The following TMEM232 variants were observed in gnomAD, a reference collection of about 807,000 sequenced individuals.
TMEM232 encodes the protein transmembrane protein 232.
Under a neutral mutation model 78.8 loss-of-function variants are expected in TMEM232, and 80 were observed. The ratio of observed to expected loss-of-function variants is 1.01; its 90% CI spans 0.85 to 1.22. The LOEUF (loss-of-function observed/expected upper bound fraction) is 1.22. Among genes scored for constraint, TMEM232 ranks in the 50% most tolerant of loss-of-function variants. The pLI is 0.00. For missense variants in TMEM232, 881 were observed against 742.2 expected (o/e 1.19, Z -2.17); for synonymous variants, 297 against 254.3 (o/e 1.17, Z -1.60).
intron 12 of TMEM232, among the ~76,000 whole-genome samples, chr5:110,457,742 G>C (rs1172873340): frequency 6.6e-6 from 1 of 152,026 alleles, no homozygotes; most frequent in Non-Finnish European, 1.5e-5. Flanking sequence ...CTAAGAGAAG[G>C]AAGTCACCTA....
intron 8 of TMEM232, among the ~76,000 whole-genome samples, chr5:110,616,036 A>C (rs953003248): frequency 2.6e-5 from 4 of 152,072 alleles, no homozygotes; most frequent in Non-Finnish European, 5.9e-5. Flanking sequence ...TCCTATCAAA[A>C]TTTTAATGTT....
intron 12 of TMEM232, among the ~76,000 whole-genome samples, chr5:110,465,507 C>T (rs1336419728): frequency 2.6e-5 from 4 of 152,086 alleles, no homozygotes; most frequent in African/African-American, 9.7e-5. Context: ...ATTTTCTTTT[C>T]TTCTTTGTGT....
intron 1 of TMEM232, among the ~76,000 whole-genome samples, chr5:110,674,703 G>T (rs1187173454): frequency 6.6e-6 from 1 of 152,194 alleles, no homozygotes; most frequent in Non-Finnish European, 1.5e-5. Flanking sequence ...AAGAGTCACA[G>T]ACTACACATC....
At chr5:110,530,572 G>A (rs1300631072) in intron 11 of TMEM232, among the ~76,000 whole-genome samples, 2 of 152,166 alleles carry the variant, frequency 1.3e-5, no homozygotes, top group Non-Finnish European at 2.9e-5. Context: ...TCTACCATTT[G>A]TAACAACATG....
At chr5:110,544,981 C>T (rs543242843) in intron 11 of TMEM232, among the ~76,000 whole-genome samples, 5 of 151,728 alleles carry the variant, frequency 3.3e-5, no homozygotes, top group South Asian at 2.1e-4. Context: ...TTACTAGTTA[C>T]GTGATCTTCC....
chr5:110,477,018 G>T (rs2149387183), intron 12 of TMEM232, among the ~76,000 whole-genome samples: 1 of 151,976 alleles, frequency 6.6e-6, no homozygotes, highest in Middle Eastern at 3.4e-3. Flanking sequence ...CTCCTTTTGG[G>T]AATAAATTAA....
At chr5:110,578,814 T>C (rs946299707) in intron 10 of TMEM232, among the ~76,000 whole-genome samples, 2 of 151,678 alleles carry the variant, frequency 1.3e-5, no homozygotes, top group Non-Finnish European at 2.9e-5. Flanking sequence ...TTATGAAAAA[T>C]CCAGAAACTA....
At chr5:110,539,632 T>TTTC (rs1772845506) in intron 11 of TMEM232, among the ~76,000 whole-genome samples, 1 of 152,204 alleles carries the variant, frequency 6.6e-6, no homozygotes, top group African/African-American at 2.4e-5. Context: ...ACAGGCCCCC[T>TTTC]TTCTATGCTT....
chr5:110,389,702 A>C (rs1755111707), intron 4 of TMEM232, among the ~76,000 whole-genome samples: 1 of 152,194 alleles, frequency 6.6e-6, no homozygotes, highest in Admixed American at 6.5e-5. Context: ...TAAATTGAGC[A>C]AGATCAAGCT....
chr5:110,720,856 TAA>T (rs1797518230), intron 1 of TMEM232: 1 of 152,132 alleles, frequency 6.6e-6, no homozygotes, highest in Non-Finnish European at 1.5e-5. Flanking sequence ...CTGTCATTTA[TAA>T]AAGTCTTTCA....
chr5:110,522,809 C>G (rs1769745793), intron 12 of TMEM232, among the ~76,000 whole-genome samples: 1 of 152,080 alleles, frequency 6.6e-6, no homozygotes, highest in Non-Finnish European at 1.5e-5. Context: ...CTTCTGGATT[C>G]TGTTTGTTAC....
intron 12 of TMEM232, among the ~76,000 whole-genome samples, chr5:110,515,945 C>T (rs1242188173): frequency 8.5e-5 from 13 of 152,118 alleles, no homozygotes. Context: ...TATTCTTTAA[C>T]ATAAAAATTT....
At chr5:110,498,733 G>T (rs1429568246) in intron 12 of TMEM232, among the ~76,000 whole-genome samples, 2 of 152,154 alleles carry the variant, frequency 1.3e-5, no homozygotes, top group African/African-American at 4.8e-5. Flanking sequence ...AGGTGTCAGA[G>T]AAGTTTGTGT....
chr5:110,690,777 T>C (rs927060734), intron 1 of TMEM232, among the ~76,000 whole-genome samples: 2 of 152,174 alleles, frequency 1.3e-5, no homozygotes, highest in Non-Finnish European at 2.9e-5. Flanking sequence ...ATATACACCA[T>C]GGAATACTAT....
intron 12 of TMEM232, among the ~76,000 whole-genome samples, chr5:110,444,605 A>C (rs1355921666): frequency 2.0e-5 from 3 of 152,176 alleles, no homozygotes; most frequent in Non-Finnish European, 2.9e-5. Context: ...TGAACAGTGT[A>C]GGCTTCTATT....
chr5:110,593,502 G>T (rs1266654160), intron 10 of TMEM232, among the ~76,000 whole-genome samples: 1 of 152,108 alleles, frequency 6.6e-6, no homozygotes, highest in Non-Finnish European at 1.5e-5. Flanking sequence ...AAAATTATGA[G>T]ACTCTGTCTT....
chr5:110,615,821 T>C (rs1195053871), intron 8 of TMEM232, among the ~76,000 whole-genome samples: 1 of 151,920 alleles, frequency 6.6e-6, no homozygotes, highest in African/African-American at 2.4e-5. Context: ...AAAATCAACA[T>C]ATTAAAATCA....
At chr5:110,540,299 G>A (rs1197532654) in intron 11 of TMEM232, among the ~76,000 whole-genome samples, 2 of 152,162 alleles carry the variant, frequency 1.3e-5, no homozygotes, top group Non-Finnish European at 2.9e-5. Flanking sequence ...TGGTATTTTA[G>A]TGGAAGGAGC....
chr5:110,498,022 GTTAA>G (rs1457658279), intron 12 of TMEM232, among the ~76,000 whole-genome samples: 3 of 152,026 alleles, frequency 2.0e-5, no homozygotes, highest in African/African-American at 7.2e-5. Context: ...AATGAAGACA[GTTAA>G]TACTTTTAAT....
Sources: gnomAD v4.1 joint callset for allele counts (sites outside exome capture counted in the v4.1 genomes callset) on GRCh38, gnomAD v4.1.1 for gene constraint, MANE v1.5 for transcripts, NCBI Gene and HGNC (gene_info 2026-07-23, HGNC 2026-07-21) for gene names.